CELF2: variants seen among roughly 807,000 people sequenced by gnomAD.
The protein encoded by CELF2 is CUGBP Elav-like family member 2, also known as CUG triplet repeat RNA-binding protein 2.
A neutral mutation model predicts 62.6 loss-of-function variants in CELF2; 8 were observed. That is an observed-to-expected ratio of 0.13 (90% CI 0.07 to 0.23). The LOEUF (loss-of-function observed/expected upper bound fraction) is 0.23. CELF2 is among the 10% of genes least tolerant of loss of function. CELF2 has a pLI of 1.00. For synonymous variants in CELF2, 258 were observed against 250.0 expected (o/e 1.03, Z -0.30); for missense variants, 333 against 671.0 (o/e 0.50, Z 5.56).
chr10:10,533,309 G>T, the CELF2 span, among the ~76,000 whole-genome samples: 1 of 152,154 alleles, frequency 6.6e-6, no homozygotes, highest in South Asian at 2.1e-4. Context: ...TAAGGGTCAA[G>T]GGGAGGAGCA....
chr10:10,873,601 A>G (rs1040540470), intron 1 of CELF2, among the ~76,000 whole-genome samples: 1 of 152,234 alleles, frequency 6.6e-6, no homozygotes, highest in Non-Finnish European at 1.5e-5. Flanking sequence ...AGGCTCTCCT[A>G]TTCAAAATTG....
At chr10:11,016,958 T>C (rs1338845089), upstream of CELF2, among the ~76,000 whole-genome samples, 3 of 152,250 alleles carry the variant, frequency 2.0e-5, no homozygotes, top group Admixed American at 6.5e-5. This position sits in a 1 kb window ranked among gnomAD's most constrained non-coding sequence, Gnocchi z 5.2. Context: ...ATGTGAAATA[T>C]GCCATGAAGT....
At chr10:10,689,142 C>T in the CELF2 span, among the ~76,000 whole-genome samples, 1 of 152,184 alleles carries the variant, frequency 6.6e-6, no homozygotes, top group Non-Finnish European at 1.5e-5. Flanking sequence ...GACTGGGTAA[C>T]TTATGAAGAA....
chr10:11,137,729 A>G (rs777102600), intron 1 of CELF2, among the ~76,000 whole-genome samples: 5 of 152,376 alleles, frequency 3.3e-5, no homozygotes, highest in Non-Finnish European at 7.3e-5. Context: ...AAGTACGACA[A>G]ATTCAGCTCC....
intron 9 of CELF2, among the ~76,000 whole-genome samples, chr10:11,292,740 C>T (rs897414605): frequency 1.3e-5 from 2 of 152,154 alleles, no homozygotes; most frequent in Non-Finnish European, 2.9e-5. Context: ...ATTAAACTTG[C>T]CCCACAGACC....
the CELF2 span, among the ~76,000 whole-genome samples, chr10:10,660,980 A>C: frequency 2.6e-5 from 4 of 152,220 alleles, no homozygotes; most frequent in Non-Finnish European, 5.9e-5. Flanking sequence ...TGTTCAACAC[A>C]AGTGTGTGAT....
At chr10:10,706,712 A>C in the CELF2 span, among the ~76,000 whole-genome samples, 3 of 152,204 alleles carry the variant, frequency 2.0e-5, no homozygotes, top group Non-Finnish European at 4.4e-5. Flanking sequence ...ACTCAAGTGA[A>C]TTGTCAAAAG....
At chr10:10,623,319 T>C in the CELF2 span, among the ~76,000 whole-genome samples, 3 of 152,080 alleles carry the variant, frequency 2.0e-5, no homozygotes, top group Non-Finnish European at 4.4e-5. Flanking sequence ...AAGTGCTCCA[T>C]AGTTTACTAA....
chr10:10,978,849 A>G (rs546389859), intron 2 of CELF2, among the ~76,000 whole-genome samples: 1 of 152,374 alleles, frequency 6.6e-6, no homozygotes, highest in East Asian at 1.9e-4. Context: ...AGGAAAATTA[A>G]CAAAAATACT....
the CELF2 span, among the ~76,000 whole-genome samples, chr10:10,498,278 G>C: frequency 0.031 from 4,706 of 152,300 alleles, 195 homozygotes; most frequent in African/African-American, 0.099. Context: ...TGACAAGTTA[G>C]ACACTATGCA....
chr10:11,216,708 G>C (rs986673607), intron 2 of CELF2, among the ~76,000 whole-genome samples: 12 of 152,200 alleles, frequency 7.9e-5, no homozygotes, highest in African/African-American at 2.9e-4. Context: ...GGAAGGGCCG[G>C]GGACTCCCAC....
At chr10:10,797,841 G>A (rs889120843), upstream of CELF2, among the ~76,000 whole-genome samples, 3 of 152,186 alleles carry the variant, frequency 2.0e-5, no homozygotes, top group Non-Finnish European at 4.4e-5. Context: ...GAACCCATAC[G>A]GGGCGAAGGG....
upstream of CELF2, chr10:10,796,942 G>T (rs1293706892): frequency 3.1e-6 from 3 of 967,426 alleles, no homozygotes; most frequent in Non-Finnish European, 3.7e-6. Flanking sequence ...AGAGACAGTT[G>T]CACTTCTGAA....
intron 1 of CELF2, among the ~76,000 whole-genome samples, chr10:11,131,097 T>C (rs1222599230): frequency 6.6e-6 from 1 of 152,256 alleles, no homozygotes; most frequent in Non-Finnish European, 1.5e-5. Context: ...CTGAAAATAC[T>C]TGATAGCAAT....
intron 1 of CELF2, among the ~76,000 whole-genome samples, chr10:11,130,250 A>T (rs576191512): frequency 1.3e-5 from 2 of 152,272 alleles, no homozygotes; most frequent in East Asian, 3.9e-4. Context: ...GTTTGTTGTA[A>T]TTTCTGTTTA....
At chr10:10,599,711 C>T in the CELF2 span, among the ~76,000 whole-genome samples, 30 of 150,210 alleles carry the variant, frequency 2.0e-4, no homozygotes, top group Admixed American at 1.3e-3. Flanking sequence ...TCGTCTCTGC[C>T]CTTTTCTTTC....
intron 9 of CELF2, among the ~76,000 whole-genome samples, chr10:11,289,770 AGT>A (rs780374885): frequency 6.6e-6 from 1 of 152,246 alleles, no homozygotes; most frequent in African/African-American, 2.4e-5. Context: ...CAGGAAGTTA[AGT>A]GATAGCTTCA....
In CELF2 at chr10:11,316,626, C is replaced by G. The variant is rs2095007821; in HGVS notation, c.1096+2368C>G. Among the ~76,000 whole-genome samples the G allele has an allele frequency of 6.6e-6, 1 of 152,208 alleles. No individual in the cohort carries two copies. Among genetic ancestry groups the G allele is most frequent in the Non-Finnish European group, 1.5e-5 (1 of 68,032 alleles). On this transcript the variant is annotated intron_variant, in intron 10 of 12. Coordinates refer to ENST00000633077, the MANE Select transcript of CELF2 (RefSeq NM_001326342.2). The surrounding 1 kb of genome is among the most constrained non-coding windows in gnomAD (Gnocchi z 4.4). Reference sequence around the variant, plus strand: ...TAGCACTGCTATGAATCCCACCCCACTGCAGCAGCCATTATCTGTTTCCAT... The same window carrying G: ...TAGCACTGCTATGAATCCCACCCCAGTGCAGCAGCCATTATCTGTTTCCAT...
the CELF2 span, among the ~76,000 whole-genome samples, chr10:10,668,010 C>G: frequency 6.6e-6 from 1 of 152,186 alleles, no homozygotes; most frequent in South Asian, 2.1e-4. Flanking sequence ...GTAGTCTTCT[C>G]TACCATTAAA....
Sources: allele counts gnomAD v4.1 joint callset (sites outside exome capture counted in the v4.1 genomes callset), GRCh38; gene constraint gnomAD v4.1.1; non-coding constraint Gnocchi (gnomAD v3.1); transcripts MANE v1.5; gene names NCBI Gene and HGNC (gene_info 2026-07-23, HGNC 2026-07-21).